KCNQ2: variants seen among roughly 807,000 people sequenced by gnomAD.
KCNQ2 encodes potassium voltage-gated channel subfamily KQT member 2.
A neutral mutation model predicts 84.8 loss-of-function variants in KCNQ2; 14 were observed. The ratio of observed to expected loss-of-function variants is 0.17; its 90% confidence interval spans 0.11 to 0.26. The LOEUF (loss-of-function observed/expected upper bound fraction) is 0.26, where lower values mean the gene tolerates loss of function less well. Ranked by LOEUF, KCNQ2 falls within the 10% of genes least tolerant of loss-of-function variation. The pLI is 1.00. For synonymous variants in KCNQ2, 599 were observed against 554.1 expected, an observed-to-expected ratio of 1.08 and a Z score of -1.14; for missense variants, 788 against 1,254.0, an observed-to-expected ratio of 0.63 and a Z score of 5.61.
intron 15 of KCNQ2, among the ~76,000 whole-genome samples, chr20:63,409,707 C>T (rs1031697445): frequency 2.6e-5 from 4 of 152,178 alleles, no homozygotes; most frequent in Non-Finnish European, 5.9e-5. Context: ...GCCAAGTCCT[C>T]ACTTCCTGCC....
chr20:63,417,017 T>C (rs2080319666), intron 12 of KCNQ2, among the ~76,000 whole-genome samples: 1 of 151,870 alleles, frequency 6.6e-6, no homozygotes, highest in South Asian at 2.1e-4. Flanking sequence ...ATCCCCCGAG[T>C]CCCGAGGCGT....
intron 10 of KCNQ2, among the ~76,000 whole-genome samples, chr20:63,428,104 T>G (rs950394544): frequency 2.6e-5 from 4 of 152,188 alleles, no homozygotes; most frequent in African/African-American, 9.6e-5. Flanking sequence ...TTAGGAGCCA[T>G]GCAGAGCCCC....
intron 1 of KCNQ2, among the ~76,000 whole-genome samples, chr20:63,469,970 G>A (rs2082172260): frequency 6.6e-6 from 1 of 152,240 alleles, no homozygotes; most frequent in South Asian, 2.1e-4. Flanking sequence ...TTCACAGAGG[G>A]CACTGGGCCG....
At chr20:63,410,458 T>C (rs973221212) in intron 15 of KCNQ2, among the ~76,000 whole-genome samples, 9 of 152,176 alleles carry the variant, frequency 5.9e-5, no homozygotes, top group African/African-American at 2.2e-4. Context: ...GCACGTCTCC[T>C]AGCCACAAGA....
intron 1 of KCNQ2, among the ~76,000 whole-genome samples, chr20:63,464,664 C>G (rs1486673500): frequency 6.6e-6 from 1 of 152,200 alleles, no homozygotes; most frequent in Non-Finnish European, 1.5e-5. Context: ...GGCCATGGCC[C>G]TGCGCCCCAC....
chr20:63,436,306 A>T (rs527810283), intron 7 of KCNQ2, among the ~76,000 whole-genome samples: 5 of 152,130 alleles, frequency 3.3e-5, no homozygotes, highest in African/African-American at 4.8e-5. Flanking sequence ...CCAAGGCGGG[A>T]GGATCACGAA....
In KCNQ2 at chr20:63,404,282, G is replaced by GC. The variant is rs1465933983; in HGVS notation, c.*2361_*2362insG. The stretch of plus-strand genomic sequence containing the variant: ...GGAAAGAGCAGGTGGGGCCATACTG[G>GC]GAGGGAGGAAAGAGCAGGTGGGGTC... On this transcript the variant is annotated 3_prime_UTR_variant, in exon 17 of 17. Transcript: ENST00000359125. 6 of 151,112 alleles carry GC rather than the reference G, an allele frequency of 4.0e-5. No individual in the cohort carries two copies. The highest frequency in any genetic ancestry group is 1.5e-4 in the African/African-American group (6 of 40,882). The allele number at this position is 151,112 out of a possible 1,614,324, so 9.4% of individuals were successfully genotyped here. A position where few individuals can be genotyped will look rare whatever the true frequency, so the allele number is the denominator to read the frequency against.
At chr20:63,410,349 C>G (rs1336364080) in intron 15 of KCNQ2, among the ~76,000 whole-genome samples, 1 of 152,202 alleles carries the variant, frequency 6.6e-6, no homozygotes, top group African/African-American at 2.4e-5. Flanking sequence ...CCCTCCTGCC[C>G]TGGGCCCCTG....
At chr20:63,427,730 C>T (rs1399238688) in intron 10 of KCNQ2, among the ~76,000 whole-genome samples, 4 of 152,206 alleles carry the variant, frequency 2.6e-5, no homozygotes, top group African/African-American at 4.8e-5. Flanking sequence ...ACTCAGGGCC[C>T]GCCCGGAAAA....
At position 63,429,909 on chromosome 20, in the gene KCNQ2, G is replaced by A. The variant is rs1055159518; in HGVS notation, c.1148+1431C>T. 3.5e-4 allele frequency among the ~76,000 whole-genome samples: 53 copies of A among 152,238 alleles called. No individual in the cohort carries two copies. In the East Asian group the frequency reaches 5.4e-3, roughly 16 times the overall value. On this transcript the variant is annotated intron_variant, in intron 9 of 16. Transcript: ENST00000359125. ...GCCCCCAAAATGCTGGCAGGAGTGG[G>A]GCTCCTGTGAGCCCCCTCCCTGCAG...
rs1407045236 is a variant in KCNQ2, at chr20:63,431,349, C to G, written c.1139G>C (p.Gly380Ala). Reference protein sequence around the residue: ...PMYSSQTQTYGASRLIPPLNQ... With the variant: ...PMYSSQTQTYAASRLIPPLNQ... Reference sequence around the variant, plus strand: ...TCCATGCATTTCCTACCTGGAGGCCCCGTAGGTTTGAGTTTGCGAACTTTC... The same window carrying G: ...TCCATGCATTTCCTACCTGGAGGCCGCGTAGGTTTGAGTTTGCGAACTTTC... Residue 380 changes from glycine to alanine, a missense_variant, in exon 9 of 17, where the codon GGG becomes GCG. Physicochemically the swap from Gly to Ala is moderately conservative, Grantham distance 60 (BLOSUM62 0). Transcript: ENST00000359125. The G allele has an allele frequency of 1.9e-6, 3 of 1,613,622 alleles. No homozygotes were observed. The highest frequency in any genetic ancestry group is 2.5e-6 in the Non-Finnish European group (3 of 1,179,928).
At position 63,419,622 on chromosome 20, in the gene KCNQ2, G is replaced by A; in HGVS notation, c.1298C>T (p.Ser433Phe). The change falls in exon 12 of 17, where the codon TCT (serine) becomes TTT (phenylalanine). Residue 433 changes from serine (S) to phenylalanine (F), a missense_variant. Coordinates refer to ENST00000359125, the MANE Select transcript of KCNQ2 (RefSeq NM_172107.4). ...CGTGCGGCGTGTTCCGCGGTACCTA[G>A]AGCGTCCGGGGCAGCATCCACACAG... The part of the protein sequence containing the change: ...GPLCGCCPGR[S>F]SQKVSLKDRV... The A allele has an allele frequency of 6.2e-7, 1 of 1,610,390 alleles. No individual in the cohort carries two copies. The highest frequency in any genetic ancestry group is 8.5e-7 in the Non-Finnish European group (1 of 1,179,204).
At chr20:63,451,146 A>C (rs1011612429) in intron 1 of KCNQ2, among the ~76,000 whole-genome samples, 4 of 151,774 alleles carry the variant, frequency 2.6e-5, no homozygotes, top group Admixed American at 6.6e-5. Flanking sequence ...CCAAAAAAAA[A>C]AAAAAAAGAA....
chr20:63,433,092 C>T (rs1447946427), intron 8 of KCNQ2, among the ~76,000 whole-genome samples: 2 of 152,202 alleles, frequency 1.3e-5, no homozygotes, highest in African/African-American at 4.8e-5. Context: ...CATCTCAGAC[C>T]TTAATTTAAG....
At chr20:63,468,294 G>C (rs6062949) in intron 1 of KCNQ2, among the ~76,000 whole-genome samples, 1 of 152,186 alleles carries the variant, frequency 6.6e-6, no homozygotes, top group South Asian at 2.1e-4. Flanking sequence ...TCTCTTTCTC[G>C]GCACACAATG....
At chr20:63,420,576 G>A (rs2080437236) in intron 11 of KCNQ2, among the ~76,000 whole-genome samples, 1 of 150,952 alleles carries the variant, frequency 6.6e-6, no homozygotes, top group Non-Finnish European at 1.5e-5. Flanking sequence ...TAGGAAGAAA[G>A]CACCCAGCCT....
chr20:63,448,641 G>C (rs2081508440), intron 1 of KCNQ2: 1 of 152,288 alleles, frequency 6.6e-6, no homozygotes, highest in Non-Finnish European at 1.5e-5. Flanking sequence ...CAGTGCTGCA[G>C]TCCAGCCTGG....
rs773083197 is a variant in KCNQ2 at position 63,445,337 on chromosome 20, C to T, written c.415G>A (p.Val139Met). 6.8e-6 allele frequency: 11 copies of T among 1,613,750 alleles called. No homozygotes were observed. The highest frequency in any genetic ancestry group is 4.0e-5 in the African/African-American group (3 of 74,944). Residue 139 changes from valine to methionine, a missense_variant, in exon 3 of 17, where the codon GTG (valine) becomes ATG (methionine). This residue lies in a region of KCNQ2 where 106 missense variants were observed against 214.8 expected (regional missense o/e 0.49). Coordinates refer to ENST00000359125, the MANE Select transcript of KCNQ2 (RefSeq NM_172107.4). ...LEIVTIVVFGVEYFVRIWAAG... is the reference protein window; with the variant it reads ...LEIVTIVVFGMEYFVRIWAAG... ...GCCCAGATCCGCACGAAGTACTCCA[C>T]GCCAAACACCACGATAGTCACGATT... is the stretch of plus-strand genomic sequence containing the variant.
intron 7 of KCNQ2, 94 bp from the exon 8 acceptor site, chr20:63,433,997 C>A (rs2080912447): frequency 5.5e-6 from 6 of 1,091,874 alleles, no homozygotes; most frequent in Non-Finnish European, 8.2e-6. Context: ...CAGAGGGGAC[C>A]CCCATGCTGT....
Sources: gnomAD v4.1 joint callset for allele counts (sites outside exome capture counted in the v4.1 genomes callset) on GRCh38, gnomAD v4.1.1 for gene constraint, gnomAD v4.1.1 regional missense constraint, MANE v1.5 for transcripts, NCBI Gene and HGNC (gene_info 2026-07-23, HGNC 2026-07-21) for gene names.